The following FAM47E variants were observed in gnomAD, a reference collection of about 807,000 sequenced individuals.
The protein encoded by FAM47E is family with sequence similarity 47 member E, also known as protein FAM47E.
Under a neutral mutation model 41.6 loss-of-function variants are expected in FAM47E, and 32 were observed. The ratio of observed to expected loss-of-function variants is 0.77; its 90% CI spans 0.58 to 1.03. The LOEUF is 1.03. Ranked by LOEUF, FAM47E falls within the 50% of genes least tolerant of loss-of-function variation. FAM47E has a pLI of 0.00. For synonymous variants in FAM47E, 184 were observed against 188.7 expected (o/e 0.98, Z 0.20); for missense variants, 424 against 485.4 (o/e 0.87, Z 1.19).
chr4:76,268,564 CT>C, intron 3 of FAM47E, 95 bp from the exon 4 acceptor site: 1 of 1,281,696 alleles, frequency 7.8e-7, no homozygotes, highest in Non-Finnish European at 1.1e-6. Flanking sequence ...GTTAGAAATA[CT>C]TGCTTTATGA....
intron 2 of FAM47E, among the ~76,000 whole-genome samples, chr4:76,258,909 C>T (rs1734293734): frequency 6.6e-6 from 1 of 152,160 alleles, no homozygotes; most frequent in Admixed American, 6.5e-5. Flanking sequence ...GTCAACCTGA[C>T]AAGAGGTGGA....
chr4:76,280,251 G>A lies in FAM47E; in HGVS notation c.1027-13G>A, dbSNP rs1258972926. The A allele has an allele frequency of 3.3e-6, 5 of 1,526,748 alleles. No homozygotes were observed. In the East Asian group the frequency reaches 9.8e-5, roughly 30 times the overall value. The allele number at this position is 1,526,748 out of a possible 1,614,324, so 94.6% of individuals were successfully genotyped here. A position where few individuals can be genotyped will look rare whatever the true frequency, so the allele number is the denominator to read the frequency against. ...TGGCTGACCCCTTTCTTCAAATGTG[G>A]GTACTCTTTTAGGAGGAGTTACTTG... is the stretch of plus-strand genomic sequence containing the variant. On this transcript the variant is annotated splice_polypyrimidine_tract_variant and intron_variant, in intron 6 of 7. Transcript: ENST00000424749.
At chr4:76,252,894 G>A (rs1734032889) in intron 1 of FAM47E, among the ~76,000 whole-genome samples, 2 of 152,110 alleles carry the variant, frequency 1.3e-5, no homozygotes, top group East Asian at 3.9e-4. Context: ...TTGAACTAGA[G>A]ACCTTACTTG....
intron 2 of FAM47E, among the ~76,000 whole-genome samples, chr4:76,234,950 A>G (rs1434067793): frequency 6.6e-6 from 1 of 152,140 alleles, no homozygotes; most frequent in East Asian, 1.9e-4. Context: ...GCCTGATTTA[A>G]ATAGTAAAAT....
At position 76,219,309 on chromosome 4, in the gene FAM47E, C is replaced by T. The variant is rs570319676; in HGVS notation, c.81+1621C>T. On this transcript the variant is annotated intron_variant, in intron 2 of 7. Transcript: ENST00000510197. ...GAGAGCCAGGAAGGAGTTGCCAGTC[C>T]GGTGGCCAAAAATATACTTTGCAAT... Among the ~76,000 whole-genome samples, 9 of 152,202 alleles carry T rather than the reference C, an allele frequency of 5.9e-5. No homozygotes were observed. In the East Asian group the frequency reaches 7.7e-4, roughly 13 times the overall value.
chr4:76,261,269 T>G (rs1734404640), intron 2 of FAM47E, among the ~76,000 whole-genome samples: 1 of 152,186 alleles, frequency 6.6e-6, no homozygotes, highest in South Asian at 2.1e-4. Flanking sequence ...AGATGGAGAT[T>G]TCTCAAAGAA....
At chr4:76,243,471 T>C (rs952837402) in intron 2 of FAM47E, among the ~76,000 whole-genome samples, 5 of 152,192 alleles carry the variant, frequency 3.3e-5, no homozygotes, top group African/African-American at 1.2e-4. Flanking sequence ...GGGCAGGTAT[T>C]ATTTTAGTAT....
intron 6 of FAM47E, 37 bp downstream of exon 6, chr4:76,278,261 C>G (rs964051): frequency 6.8e-7 from 1 of 1,461,960 alleles, no homozygotes. Flanking sequence ...ATCTGAGCTT[C>G]AGATGATCAC....
In FAM47E at chr4:76,242,794, T is replaced by C. The variant is rs114582440; in HGVS notation, c.82-20910T>C. Reference sequence around the variant, plus strand: ...TTACATGTTAAAATCATATTTTTTATGTGGAGCTAAATAAGACATATTATT... The same window carrying C: ...TTACATGTTAAAATCATATTTTTTACGTGGAGCTAAATAAGACATATTATT... On this transcript the variant is annotated intron_variant, in intron 2 of 7. Transcript: ENST00000510197. Among the ~76,000 whole-genome samples, 1,125 of 152,338 alleles carry C rather than the reference T, an allele frequency of 7.4e-3. 9 individuals are homozygous for C. Among genetic ancestry groups the C allele is most frequent in the African/African-American group, 0.025 (1,030 of 41,570 alleles).
intron 5 of FAM47E, among the ~76,000 whole-genome samples, chr4:76,276,070 C>CACACACACACACACACACA (rs1452874811): frequency 2.1e-5 from 3 of 143,106 alleles, no homozygotes; most frequent in Non-Finnish European, 3.1e-5. Context: ...ACACACACAC[C>CACACACACACACACACACA]CCTCCCCTAC....
intron 2 of FAM47E, among the ~76,000 whole-genome samples, chr4:76,233,807 AG>A (rs780907526): frequency 2.8e-4 from 43 of 152,188 alleles, no homozygotes; most frequent in Non-Finnish European, 1.0e-4. Context: ...AACCAGATGA[AG>A]GCTTCATTTC....
In FAM47E at chr4:76,228,414, G is replaced by T. The variant is rs919755003; in HGVS notation, c.81+10726G>T. 4.0e-5 allele frequency among the ~76,000 whole-genome samples: 6 copies of T among 151,694 alleles called. No homozygotes were observed. The South Asian group carries it at 8.3e-4, about 21-fold the overall frequency. Reference sequence around the variant, plus strand: ...GAATCACTTGAACCCGGAAGGTGAAGGTTACAGCAAGCTGAGATTGTGCCA... The same window carrying T: ...GAATCACTTGAACCCGGAAGGTGAATGTTACAGCAAGCTGAGATTGTGCCA... On this transcript the variant is annotated intron_variant, in intron 2 of 7. Transcript: ENST00000510197.
At chr4:76,226,266 G>C (rs747100242) in intron 2 of FAM47E, among the ~76,000 whole-genome samples, 1 of 152,088 alleles carries the variant, frequency 6.6e-6, no homozygotes, top group Non-Finnish European at 1.5e-5. Flanking sequence ...TGGACATGGG[G>C]GTAAACAGGT....
chr4:76,242,006 A>G (rs1262223487), intron 2 of FAM47E, among the ~76,000 whole-genome samples: 1 of 152,200 alleles, frequency 6.6e-6, no homozygotes, highest in Non-Finnish European at 1.5e-5. Flanking sequence ...TTCCTGGAGA[A>G]AAAAGGACAA....
intron 3 of FAM47E, among the ~76,000 whole-genome samples, chr4:76,264,638 C>G (rs1018276686): frequency 1.3e-5 from 2 of 152,022 alleles, no homozygotes; most frequent in African/African-American, 4.8e-5. Context: ...CTCTGTCTCC[C>G]AGGCTGGAGA....
At chr4:76,280,380 C>T in intron 7 of FAM47E, 39 bp downstream of exon 7, 1 of 1,177,724 alleles carries the variant, frequency 8.5e-7, no homozygotes, top group Non-Finnish European at 1.2e-6. Flanking sequence ...TGCTGAGGGG[C>T]TTCATGGCTC....
chr4:76,280,635 A>C (rs974862188), intron 7 of FAM47E: 4 of 265,856 alleles, frequency 1.5e-5, no homozygotes, highest in African/African-American at 6.6e-5. Context: ...GTCTATGTAC[A>C]GGGCATGGGC....
chr4:76,259,466 A>G (rs924094621), intron 2 of FAM47E, among the ~76,000 whole-genome samples: 3 of 152,228 alleles, frequency 2.0e-5, no homozygotes, highest in Admixed American at 6.5e-5. Context: ...TCAGTGATAT[A>G]CAATTCATGC....
chr4:76,261,902 A>G (rs926494643), intron 2 of FAM47E, among the ~76,000 whole-genome samples: 51 of 152,356 alleles, frequency 3.3e-4, no homozygotes, highest in African/African-American at 1.2e-3. Flanking sequence ...TGTTCGCATT[A>G]GCATTCCTTA....
Sources: gnomAD v4.1 joint callset for allele counts (sites outside exome capture counted in the v4.1 genomes callset) on GRCh38, gnomAD v4.1.1 for gene constraint, MANE v1.5 for transcripts, NCBI Gene and HGNC (gene_info 2026-07-23, HGNC 2026-07-21) for gene names.